ATG7: variants seen among roughly 807,000 people sequenced by gnomAD.
ATG7 encodes autophagy related 7, also known as ubiquitin-like modifier-activating enzyme ATG7.
In ATG7, 70 loss-of-function variants were observed where a neutral mutation model predicts 82.4. The observed-to-expected ratio is 0.85, with a 90% confidence interval of 0.70 to 1.04. The LOEUF is 1.04. ATG7 is among the 50% of genes least tolerant of loss of function. The pLI is 0.00. For missense variants in ATG7, 792 were observed against 864.3 expected (o/e 0.92, Z 1.05); for synonymous variants, 287 against 313.0 (o/e 0.92, Z 0.88).
rs573018649 is a variant in ATG7, at chr3:11,300,703, G to T, written c.215+1287G>T. Among the ~76,000 whole-genome samples, 5 of 152,318 alleles carry T rather than the reference G, an allele frequency of 3.3e-5. No homozygotes were observed. In the South Asian group the frequency reaches 8.3e-4, roughly 25 times the overall value. On this transcript the variant is annotated intron_variant, in intron 5 of 20. Transcript: ENST00000693202. Reference sequence around the variant, plus strand: ...TTTTTGACTTTACGATGGTGAGAAAGCGATACACATTCAGTGGAAATTATA... The same window carrying T: ...TTTTTGACTTTACGATGGTGAGAAATCGATACACATTCAGTGGAAATTATA...
chr3:11,360,471 C>T, intron 15 of ATG7, 110 bp from the exon 16 acceptor site: 2 of 1,087,108 alleles, frequency 1.8e-6, no homozygotes, highest in Non-Finnish European at 2.6e-6. Flanking sequence ...AATCTAATTA[C>T]ACTTACATGC....
intron 20 of ATG7, among the ~76,000 whole-genome samples, chr3:11,467,718 T>C (rs1442165120): frequency 3.9e-5 from 6 of 152,188 alleles, no homozygotes; most frequent in Non-Finnish European, 5.9e-5. Flanking sequence ...GTGGGACTTA[T>C]CACCGTTTGG....
chr3:11,477,420 CT>C (rs1338500479), intron 20 of ATG7: 1 of 626,534 alleles, frequency 1.6e-6, no homozygotes, highest in Admixed American at 5.9e-5. Context: ...AATTCTATTT[CT>C]TTTAAACACA....
intron 18 of ATG7, among the ~76,000 whole-genome samples, chr3:11,379,218 T>A (rs1327280336): frequency 6.6e-6 from 1 of 152,222 alleles, no homozygotes; most frequent in African/African-American, 2.4e-5. Context: ...CGTTGAGTCC[T>A]ATGGAGAGTT....
chr3:11,336,036 ATTTTT>A (rs541306159), intron 11 of ATG7, among the ~76,000 whole-genome samples: 1 of 111,696 alleles, frequency 9.0e-6, no homozygotes, highest in African/African-American at 3.7e-5. Flanking sequence ...GTGCCCGGTC[ATTTTT>A]TTTTTTTTTT....
At chr3:11,457,275 T>C (rs2085830478) in intron 20 of ATG7, among the ~76,000 whole-genome samples, 1 of 152,130 alleles carries the variant, frequency 6.6e-6, no homozygotes, top group South Asian at 2.1e-4. Flanking sequence ...AGATCTGTAC[T>C]AGGTGGGACT....
the ATG7 span, among the ~76,000 whole-genome samples, chr3:11,575,301 G>C: frequency 1.3e-5 from 2 of 152,238 alleles, no homozygotes; most frequent in African/African-American, 2.4e-5. Context: ...TGTGGACTCT[G>C]TCTCTCTAAC....
rs766416841 is a variant in ATG7, at chr3:11,340,652, T to C, written c.897T>C (p.Pro299=). Residue 299 remains proline (P), a synonymous_variant, in exon 12 of 21, where the codon CCT becomes CCC. Transcript: ENST00000693202. The part of the protein sequence containing the change: ...LPEMAFSPDC[P]KAVGWEKNQK... ...TGTTTTATTTGCCTTAAGATTGTCC[T>C]AAAGCAGTTGGATGGGAAAAGAACC... The C allele has an allele frequency of 3.7e-6, 6 of 1,613,744 alleles. No individual in the cohort carries two copies. The highest frequency in any genetic ancestry group is 2.5e-6 in the Non-Finnish European group (3 of 1,179,766).
chr3:11,436,641 C>T (rs1212771712), intron 20 of ATG7, among the ~76,000 whole-genome samples: 2 of 152,044 alleles, frequency 1.3e-5, no homozygotes, highest in African/African-American at 2.4e-5. Context: ...TCATAATTGT[C>T]AAAAAGTGGA....
intron 5 of ATG7, among the ~76,000 whole-genome samples, chr3:11,304,026 G>A (rs1290995394): frequency 6.6e-6 from 1 of 152,048 alleles, no homozygotes; most frequent in East Asian, 1.9e-4. Flanking sequence ...GGGAGGCGGA[G>A]CTTGCAGTGA....
intron 19 of ATG7, among the ~76,000 whole-genome samples, chr3:11,405,667 G>A (rs557068157): frequency 1.3e-4 from 19 of 151,764 alleles, no homozygotes; most frequent in East Asian, 1.9e-4. Context: ...TCACTCTGTC[G>A]TCCAGGCTGG....
intron 18 of ATG7, among the ~76,000 whole-genome samples, chr3:11,368,674 G>A (rs2152825573): frequency 1.4e-5 from 2 of 140,260 alleles, no homozygotes; most frequent in Admixed American, 1.4e-4. Context: ...GGAGTTTGAG[G>A]CTGCAGTGAG....
chr3:11,284,086 G>A (rs772119570), intron 3 of ATG7, among the ~76,000 whole-genome samples: 7 of 152,100 alleles, frequency 4.6e-5, no homozygotes, highest in Non-Finnish European at 1.0e-4. Context: ...CCTAAAGACA[G>A]GTTCTTTTTG....
At chr3:11,418,419 AT>A (rs2081613460) in intron 19 of ATG7, among the ~76,000 whole-genome samples, 1 of 151,948 alleles carries the variant, frequency 6.6e-6, no homozygotes. Flanking sequence ...CAACCAACAT[AT>A]TTCAATATGG....
chr3:11,410,223 T>C (rs1277806443), intron 19 of ATG7, among the ~76,000 whole-genome samples: 2 of 152,234 alleles, frequency 1.3e-5, no homozygotes, highest in Non-Finnish European at 2.9e-5. Context: ...ATTTTTAGAT[T>C]GTCTCCAACT....
In ATG7 at chr3:11,527,019, ATATATATGTGTGTGTG is replaced by A. The variant is rs1213622162; in HGVS notation, c.2080-27774_2080-27759del. ...TATATTAAATTACTATATATATAGT[ATATATATGTGTGTGTG>A]TATATATGTGTGTGTGTGTGTGTGT... On this transcript the variant is annotated intron_variant, in intron 20 of 20. Transcript: ENST00000693202. 4.7e-5 allele frequency among the ~76,000 whole-genome samples: 7 copies of A among 148,382 alleles called. No individual in the cohort carries two copies. The East Asian group carries it at 9.8e-4, about 21-fold the overall frequency.
At chr3:11,553,414 A>G (rs1191416572) in intron 20 of ATG7, among the ~76,000 whole-genome samples, 2 of 152,142 alleles carry the variant, frequency 1.3e-5, no homozygotes, top group Non-Finnish European at 2.9e-5. Flanking sequence ...GAATGGATGG[A>G]TTGTGCTGGC....
intron 20 of ATG7, among the ~76,000 whole-genome samples, chr3:11,508,715 C>G (rs986491703): frequency 1.3e-5 from 2 of 152,186 alleles, no homozygotes. Context: ...TTTCCCAAAG[C>G]GCTGAGATTA....
At chr3:11,329,088 C>T (rs140559603) in intron 9 of ATG7, among the ~76,000 whole-genome samples, 11 of 152,276 alleles carry the variant, frequency 7.2e-5, no homozygotes, top group Admixed American at 4.6e-4. Context: ...ACGGTAATAA[C>T]GTGAGACTCT....
Sources: gnomAD v4.1 joint callset for allele counts (sites outside exome capture counted in the v4.1 genomes callset) on GRCh38, gnomAD v4.1.1 for gene constraint, MANE v1.5 for transcripts, NCBI Gene and HGNC (gene_info 2026-07-23, HGNC 2026-07-21) for gene names.